Variants in REEP1 observed in about 807,000 individuals in gnomAD.
REEP1 encodes receptor expression-enhancing protein 1.
A neutral mutation model predicts 40.3 loss-of-function variants in REEP1; 22 were observed. That is an observed-to-expected ratio of 0.55 (90% CI 0.39 to 0.78). The LOEUF (loss-of-function observed/expected upper bound fraction) is 0.78, where lower values mean the gene tolerates loss of function less well. Among genes scored for constraint, REEP1 ranks in the 30% least tolerant of loss-of-function variants. The pLI is 0.00. For synonymous variants in REEP1, 116 were observed against 139.2 expected, an observed-to-expected ratio of 0.83 and a Z score of 1.17; for missense variants, 280 against 361.1, an observed-to-expected ratio of 0.78 and a Z score of 1.82.
rs542884414 is a variant in REEP1, at chr2:86,303,911, C to G, written c.33-21669G>C. Among the ~76,000 whole-genome samples, 4 of 152,280 alleles carry G rather than the reference C, an allele frequency of 2.6e-5. No individual in the cohort carries two copies. In the South Asian group the frequency reaches 8.3e-4, roughly 32 times the overall value. ...GGGAGGAATCACCCCCAGAGCACAT[C>G]TGACAGCATCCATCCAAAGGGTGAG... On this transcript the variant is annotated intron_variant, in intron 1 of 8. Transcript: ENST00000538924.
chr2:86,229,650 C>T (rs1674905057), intron 6 of REEP1, among the ~76,000 whole-genome samples: 1 of 139,330 alleles, frequency 7.2e-6, no homozygotes, highest in Admixed American at 8.1e-5. Flanking sequence ...ACTCTTGTTG[C>T]CCAGACTGGA....
rs1012260257 is a variant in REEP1, at chr2:86,248,410, T to C, written c.417+3547A>G. ...AATCCTGGTTTCCTTGGGACAGGCC[T>C]AGTTTATTTTATTTATTTATTTATT... On this transcript the variant is annotated intron_variant, in intron 5 of 8. Transcript: ENST00000538924. 5.3e-5 allele frequency among the ~76,000 whole-genome samples: 8 copies of C among 152,222 alleles called. No individual in the cohort carries two copies. In the South Asian group the frequency reaches 1.7e-3, roughly 32 times the overall value.
intron 1 of REEP1, among the ~76,000 whole-genome samples, chr2:86,302,480 C>G (rs1679295768): frequency 6.6e-6 from 1 of 152,198 alleles, no homozygotes; most frequent in Non-Finnish European, 1.5e-5. Flanking sequence ...CAAACCTTAA[C>G]AGTGTTGCTA....
chr2:86,217,605 A>G, intron 8 of REEP1, among the ~76,000 whole-genome samples: 1 of 151,588 alleles, frequency 6.6e-6, no homozygotes, highest in South Asian at 2.1e-4. Flanking sequence ...ACCACCTTGA[A>G]GTACAGGTTG....
chr2:86,226,607 T>C (rs979825832), intron 7 of REEP1, among the ~76,000 whole-genome samples: 2 of 150,606 alleles, frequency 1.3e-5, no homozygotes, highest in Non-Finnish European at 2.9e-5. Flanking sequence ...TAGTTGGGAC[T>C]ACAGGTGCAC....
chr2:86,330,107 G>A (rs935236326), intron 1 of REEP1, among the ~76,000 whole-genome samples: 5 of 152,112 alleles, frequency 3.3e-5, no homozygotes, highest in African/African-American at 9.7e-5. Flanking sequence ...CTTGACTCAC[G>A]AACAGAATAA....
chr2:86,246,780 C>T (rs533130938), intron 5 of REEP1, among the ~76,000 whole-genome samples: 115 of 150,372 alleles, frequency 7.6e-4, no homozygotes, highest in South Asian at 3.2e-3. Flanking sequence ...CGGCTTACCG[C>T]GACCTCCACC....
chr2:86,233,531 C>T lies in REEP1; in HGVS notation c.418-729G>A, dbSNP rs187187881. Among the ~76,000 whole-genome samples the T allele has an allele frequency of 1.8e-3, 278 of 152,204 alleles. 2 individuals carry two copies. Among genetic ancestry groups the T allele is most frequent in the Middle Eastern group, 6.8e-3 (2 of 294 alleles). On this transcript the variant is annotated intron_variant, in intron 5 of 8. Transcript: ENST00000538924. ...TGTTCTTTTATTTAGAAAGCAAGAT[C>T]AATCCATTTTACTTACGAAAGAGCA...
chr2:86,273,140 C>CA (rs35100792), intron 2 of REEP1, among the ~76,000 whole-genome samples: 62,369 of 144,582 alleles, frequency 0.43, 13,360 homozygotes, highest in African/African-American at 0.48. Flanking sequence ...GACCCTGTCT[C>CA]AAAAAAAAAA....
At chr2:86,302,317 G>A (rs554670371) in intron 1 of REEP1, among the ~76,000 whole-genome samples, 10 of 152,304 alleles carry the variant, frequency 6.6e-5, no homozygotes, top group African/African-American at 2.4e-4. Flanking sequence ...AAAAGCTGCC[G>A]TTTCCTCCAA....
At chr2:86,258,023 G>T (rs1174291307) in intron 3 of REEP1, among the ~76,000 whole-genome samples, 1 of 152,282 alleles carries the variant, frequency 6.6e-6, no homozygotes, top group East Asian at 1.9e-4. Flanking sequence ...TACTTCAGCC[G>T]AGCTACAAGG....
At chr2:86,330,990 G>A (rs575920054) in intron 1 of REEP1, among the ~76,000 whole-genome samples, 40 of 152,182 alleles carry the variant, frequency 2.6e-4, no homozygotes, top group African/African-American at 7.5e-4. Flanking sequence ...CTAGGATATC[G>A]GACAGTTCAT....
rs964643684 is a variant in REEP1 at position 86,215,975 on chromosome 2, T to C, written c.*1064A>G. On this transcript the variant is annotated 3_prime_UTR_variant, in exon 9 of 9. Coordinates refer to ENST00000538924, the MANE Select transcript of REEP1 (RefSeq NM_001371279.1). ...TTGTTACACATGTGTTTCAGATGTA[T>C]GTTATGGCATATCTGAAACAGCAGA... 7.2e-5 allele frequency: 11 copies of C among 152,178 alleles called. No individual in the cohort carries two copies. The highest frequency in any genetic ancestry group is 2.2e-4 in the African/African-American group (9 of 41,432). The allele number at this position is 152,178 out of a possible 1,614,324, so 9.4% of individuals were successfully genotyped here.
chr2:86,318,852 G>A (rs955140269), intron 1 of REEP1, among the ~76,000 whole-genome samples: 2 of 152,158 alleles, frequency 1.3e-5, no homozygotes, highest in Non-Finnish European at 2.9e-5. Flanking sequence ...AAAAAAGATG[G>A]AGCGGATGTG....
chr2:86,298,766 A>G (rs1437401942), intron 1 of REEP1, among the ~76,000 whole-genome samples: 1 of 152,224 alleles, frequency 6.6e-6, no homozygotes, highest in African/African-American at 2.4e-5. Flanking sequence ...CACCCTTGCC[A>G]TGGTACATTC....
intron 7 of REEP1, among the ~76,000 whole-genome samples, chr2:86,226,075 T>TCACCACCATCACCAC (rs1674665883): frequency 8.9e-6 from 1 of 111,792 alleles, no homozygotes; most frequent in Non-Finnish European, 1.9e-5. Flanking sequence ...CTCCAGGCTA[T>TCACCACCATCACCAC]CACCACCACC....
intron 3 of REEP1, among the ~76,000 whole-genome samples, chr2:86,258,269 A>C (rs1056642455): frequency 2.0e-5 from 3 of 152,240 alleles, no homozygotes; most frequent in Admixed American, 2.0e-4. Context: ...ACCCTGGCCC[A>C]TGGGCCAAAT....
chr2:86,239,390 G>A (rs1675547407), intron 5 of REEP1, among the ~76,000 whole-genome samples: 1 of 152,142 alleles, frequency 6.6e-6, no homozygotes, highest in African/African-American at 2.4e-5. Flanking sequence ...AAAGCACGAA[G>A]TTTAGCCCAT....
intron 1 of REEP1, among the ~76,000 whole-genome samples, chr2:86,298,730 G>T (rs1225551073): frequency 6.6e-6 from 1 of 152,224 alleles, no homozygotes; most frequent in Non-Finnish European, 1.5e-5. Flanking sequence ...AGCTGTTATG[G>T]GGCCAGCAGA....
Sources: gnomAD v4.1 joint callset for allele counts (sites outside exome capture counted in the v4.1 genomes callset) on GRCh38, gnomAD v4.1.1 for gene constraint, MANE v1.5 for transcripts, NCBI Gene and HGNC (gene_info 2026-07-23, HGNC 2026-07-21) for gene names.